Variants in KMT2E observed in about 807,000 individuals in gnomAD.
KMT2E encodes the protein histone reader KMT2E.
A neutral mutation model predicts 184.6 loss-of-function variants in KMT2E; 30 were observed. That is an observed-to-expected ratio of 0.16 (90% CI 0.12 to 0.22). KMT2E has a LOEUF of 0.22. Ranked by LOEUF, KMT2E falls within the 10% of genes least tolerant of loss-of-function variation. The pLI is 1.00. For synonymous variants in KMT2E, 815 were observed against 776.5 expected (o/e 1.05, Z -0.82); for missense variants, 2,023 against 2,237.4 (o/e 0.90, Z 1.93).
chr7:105,028,293 C>T (rs1179411899), intron 1 of KMT2E, among the ~76,000 whole-genome samples: 2 of 151,824 alleles, frequency 1.3e-5, no homozygotes, highest in African/African-American at 4.8e-5. Context: ...CTCAGGCTCC[C>T]GAGTAGGTGG....
intron 15 of KMT2E, among the ~76,000 whole-genome samples, chr7:105,094,756 A>G (rs1433114462): frequency 6.6e-6 from 1 of 152,158 alleles, no homozygotes; most frequent in Admixed American, 6.5e-5. Flanking sequence ...TCACAATATT[A>G]AGATATTTTG....
chr7:105,053,242 A>T (rs1392970167), intron 3 of KMT2E, among the ~76,000 whole-genome samples: 1 of 152,152 alleles, frequency 6.6e-6, no homozygotes, highest in Non-Finnish European at 1.5e-5. Context: ...GGAGATTGAA[A>T]TTTATTATTA....
chr7:105,075,649 T>C (rs1471427091), intron 8 of KMT2E, among the ~76,000 whole-genome samples: 1 of 152,018 alleles, frequency 6.6e-6, no homozygotes, highest in Non-Finnish European at 1.5e-5. Flanking sequence ...TTATATTATA[T>C]ACAGATTTTT....
rs1174471158 is a variant in KMT2E, at chr7:105,032,414, A to G, written c.-188-5712A>G. On this transcript the variant is annotated intron_variant, in intron 1 of 26. Coordinates refer to ENST00000311117, the MANE Select transcript of KMT2E (RefSeq NM_182931.3). ...AGCAGAGATCGCACCACTGTACTCCAGCCTGGATGACAGAGCGAGACTCCG... is the reference window on the plus strand; with the variant it reads ...AGCAGAGATCGCACCACTGTACTCCGGCCTGGATGACAGAGCGAGACTCCG... 2.0e-5 allele frequency among the ~76,000 whole-genome samples: 3 copies of G among 152,248 alleles called. No individual in the cohort carries two copies. In the East Asian group the frequency reaches 5.8e-4, roughly 29 times the overall value.
In KMT2E at chr7:105,062,145, T is replaced by C. The variant is rs776425337; in HGVS notation, c.72-19T>C. The C allele has an allele frequency of 7.5e-6, 11 of 1,475,406 alleles. No homozygotes were observed. In the South Asian group the frequency reaches 1.3e-4, roughly 17 times the overall value. 91.4% of individuals were successfully genotyped at this position (1,475,406 alleles called of 1,614,324 possible). On this transcript the variant is annotated intron_variant, in intron 3 of 26. Transcript: ENST00000311117. The stretch of plus-strand genomic sequence containing the variant: ...AAAAAAAGAATGGAATTCTCTTTGA[T>C]GCAACTTTTTCCCCCCAGACCAGAA...
chr7:105,105,740 A>G, intron 18 of KMT2E, 47 bp downstream of exon 18: 1 of 1,575,798 alleles, frequency 6.3e-7, no homozygotes, highest in Non-Finnish European at 8.6e-7. Context: ...CCAAATGCCA[A>G]CTCATTCCTT....
intron 3 of KMT2E, among the ~76,000 whole-genome samples, chr7:105,059,996 T>TG (rs1796744254): frequency 8.3e-6 from 1 of 120,736 alleles, no homozygotes; most frequent in Non-Finnish European, 1.8e-5. Context: ...TTTTTTTTTT[T>TG]TTTTTTTTTT....
intron 1 of KMT2E, among the ~76,000 whole-genome samples, chr7:105,018,931 A>G (rs1297195361): frequency 2.0e-5 from 3 of 152,158 alleles, no homozygotes; most frequent in Non-Finnish European, 2.9e-5. Context: ...GCTATTAAAC[A>G]ATGAGTATTT....
intron 13 of KMT2E, among the ~76,000 whole-genome samples, chr7:105,086,763 TATAA>T (rs1797980437): frequency 7.6e-6 from 1 of 131,344 alleles, no homozygotes; most frequent in Admixed American, 7.6e-5. Context: ...AAATTAAAAA[TATAA>T]ATATATATAA....
intron 12 of KMT2E, among the ~76,000 whole-genome samples, chr7:105,080,282 T>C (rs751989389): frequency 6.6e-6 from 1 of 152,252 alleles, no homozygotes; most frequent in Non-Finnish European, 1.5e-5. Context: ...AATAATGTTA[T>C]ATTTTAGTGT....
rs1473571784 is a variant in KMT2E at position 105,114,664 on chromosome 7, T to G, written c.*1331T>G. On this transcript the variant is annotated 3_prime_UTR_variant, in exon 27 of 27. Transcript: ENST00000311117. Reference sequence around the variant, plus strand: ...TTTTTCATCATCCAATTACCTGACATAATTTGGCACAGGATACAAATTCTG... The same window carrying G: ...TTTTTCATCATCCAATTACCTGACAGAATTTGGCACAGGATACAAATTCTG... Among the ~76,000 whole-genome samples the G allele has an allele frequency of 3.9e-5, 6 of 152,244 alleles. No homozygotes were observed. The highest frequency in any genetic ancestry group is 8.8e-5 in the Non-Finnish European group (6 of 68,046).
Position 105,091,253 on chromosome 7 carries a change from C to T in KMT2E, c.1661C>T (p.Pro554Leu). Residue 554 changes from proline to leucine, a missense_variant, in exon 15 of 27, where the codon CCT becomes CTT. Pro to Leu is a moderately conservative substitution (Grantham distance 98, BLOSUM62 -3). Coordinates refer to ENST00000311117, the MANE Select transcript of KMT2E (RefSeq NM_182931.3). ...DFIDDIEEKT[P>L]ISNEVEMESE... The stretch of plus-strand genomic sequence containing the variant: ...ATTGATGATATAGAAGAAAAAACTC[C>T]TATTAGTAATGAAGTAGAAATGGAA... 1 of 1,600,040 alleles carries T rather than the reference C, an allele frequency of 6.2e-7. No homozygotes were observed. Among genetic ancestry groups the T allele is most frequent in the Non-Finnish European group, 8.6e-7 (1 of 1,167,880 alleles).
At chr7:105,105,105 C>A (rs2129569735) in intron 17 of KMT2E, 1 of 177,806 alleles carries the variant, frequency 5.6e-6, no homozygotes, top group African/African-American at 2.4e-5. Context: ...GGGGCGGAGG[C>A]TTCAGTAAGC....
chr7:105,085,919 G>A (rs1276849222), intron 13 of KMT2E, among the ~76,000 whole-genome samples: 1 of 152,066 alleles, frequency 6.6e-6, no homozygotes, highest in African/African-American at 2.4e-5. Context: ...TGGTCCGCCC[G>A]CCTCGGCCTC....
intron 3 of KMT2E, among the ~76,000 whole-genome samples, chr7:105,052,229 AT>A (rs1399136439): frequency 6.6e-6 from 1 of 151,918 alleles, no homozygotes; most frequent in Non-Finnish European, 1.5e-5. Flanking sequence ...AATATTTTAC[AT>A]TTGTTTCTGC....
rs869055986 is a variant in KMT2E, at chr7:105,071,608, ATTTTTTTTTTTT to A, written c.498-1994_498-1983del. ...TATATATATATATATATATATATATATTTTTTTTTTTTTTTTTTTTTTTTTTTTAAGTAGAGA... is the reference window on the plus strand; with the variant it reads ...TATATATATATATATATATATATATATTTTTTTTTTTTTTTTAAGTAGAGA... On this transcript the variant is annotated intron_variant, in intron 6 of 26. Coordinates refer to ENST00000311117, the MANE Select transcript of KMT2E (RefSeq NM_182931.3). 1.2e-3 allele frequency among the ~76,000 whole-genome samples: 38 copies of A among 31,882 alleles called. 1 individual carries two copies. The highest frequency in any genetic ancestry group is 4.9e-3 in the East Asian group (2 of 412). 20.9% of individuals were successfully genotyped at this position (31,882 alleles called of 152,430 possible).
At chr7:105,091,650 C>A in intron 15 of KMT2E, 2 of 380,448 alleles carry the variant, frequency 5.3e-6, no homozygotes, top group East Asian at 4.2e-5. Flanking sequence ...TGTATCCTCT[C>A]ATGATTTGAA....
At chr7:105,039,487 G>A (rs1402773241) in intron 2 of KMT2E, among the ~76,000 whole-genome samples, 1 of 152,074 alleles carries the variant, frequency 6.6e-6, no homozygotes, top group Non-Finnish European at 1.5e-5. Context: ...AAAAAACAGT[G>A]TTTCTTCAAG....
rs773019360 is a variant in KMT2E, at chr7:105,102,127, A to G, written c.2129A>G (p.Glu710Gly). ...IEPETETALA[E>G]IITETEVPAL... ...CCAGAAACTGAAACTGCACTAGCAG[A>G]AATAATTACTGAAACTGAAGTTCCA... Residue 710 changes from glutamate to glycine, a missense_variant, in exon 17 of 27, where the codon GAA becomes GGA. Transcript: ENST00000311117. The G allele has an allele frequency of 1.9e-6, 3 of 1,612,770 alleles. No individual in the cohort carries two copies. Among genetic ancestry groups the G allele is most frequent in the Non-Finnish European group, 2.5e-6 (3 of 1,179,140 alleles).
Sources: gnomAD v4.1 joint callset for allele counts (sites outside exome capture counted in the v4.1 genomes callset) on GRCh38, gnomAD v4.1.1 for gene constraint, MANE v1.5 for transcripts, NCBI Gene and HGNC (gene_info 2026-07-23, HGNC 2026-07-21) for gene names.